The following PAK5 variants were observed in gnomAD, a reference collection of about 807,000 sequenced individuals.
PAK5 encodes the protein serine/threonine-protein kinase PAK 5.
PAK5 carries 16 observed loss-of-function variants against 65.9 expected under a neutral mutation model. That is an observed-to-expected ratio of 0.24 (90% confidence interval 0.16 to 0.37). The LOEUF (loss-of-function observed/expected upper bound fraction) is 0.37, where lower values mean the gene tolerates loss of function less well. Ranked by LOEUF, PAK5 falls within the 10% of genes least tolerant of loss-of-function variation. The pLI is 1.00. For synonymous variants in PAK5, 371 were observed against 354.9 expected (o/e 1.05, Z -0.51); for missense variants, 785 against 903.9 (o/e 0.87, Z 1.69).
At chr20:9,641,857 C>T (rs947156153) in intron 3 of PAK5, among the ~76,000 whole-genome samples, 4 of 152,292 alleles carry the variant, frequency 2.6e-5, no homozygotes, top group East Asian at 3.9e-4. Flanking sequence ...TTGCCCGGGG[C>T]CAGCAGGGCT....
intron 5 of PAK5, 50 bp downstream of exon 5, chr20:9,565,843 G>A (rs1252555068): frequency 1.3e-6 from 2 of 1,539,450 alleles, no homozygotes; most frequent in East Asian, 2.3e-5. Context: ...TTTGAAATGG[G>A]AAATAAATGT....
intron 1 of PAK5, among the ~76,000 whole-genome samples, chr20:9,766,442 ATATG>A (rs1315368741): frequency 0.097 from 3,107 of 32,064 alleles, 746 homozygotes; most frequent in African/African-American, 0.21. Flanking sequence ...AGCAGAATAT[ATATG>A]TATATATATA....
At chr20:9,612,289 G>A (rs895462023) in intron 3 of PAK5, among the ~76,000 whole-genome samples, 1 of 152,184 alleles carries the variant, frequency 6.6e-6, no homozygotes, top group South Asian at 2.1e-4. Context: ...GTCTCCGTCT[G>A]GAGAACATAT....
At chr20:9,676,773 A>G (rs2123388488) in intron 2 of PAK5, among the ~76,000 whole-genome samples, 1 of 152,310 alleles carries the variant, frequency 6.6e-6, no homozygotes, top group South Asian at 2.1e-4. Context: ...ATTGGTGATA[A>G]TTCAATACCC....
chr20:9,554,977 TTCCATCAC>T (rs2045484674), intron 7 of PAK5, among the ~76,000 whole-genome samples: 1 of 152,182 alleles, frequency 6.6e-6, no homozygotes, highest in Admixed American at 6.5e-5. Context: ...TACCCATCAC[TTCCATCAC>T]TCCCCATTCT....
Position 9,716,929 on chromosome 20 carries a change from A to G in PAK5, c.-161-5494T>C, listed in dbSNP as rs1402493217. ...CGAAACCCCGTCTCCACAGAAAAAT[A>G]CAAAAATGAGCTGGGTGTGGTGGTG... On this transcript the variant is annotated intron_variant, in intron 1 of 9. Coordinates refer to ENST00000353224, the MANE Select transcript of PAK5 (RefSeq NM_177990.4). Among the ~76,000 whole-genome samples the G allele has an allele frequency of 2.6e-5, 4 of 152,000 alleles. No individual in the cohort carries two copies. The East Asian group carries it at 7.7e-4, about 29-fold the overall frequency.
intron 1 of PAK5, among the ~76,000 whole-genome samples, chr20:9,778,162 C>T (rs1026017961): frequency 2.6e-5 from 4 of 152,090 alleles, no homozygotes; most frequent in African/African-American, 9.7e-5. Flanking sequence ...CTCCCATGTT[C>T]GTGTGTATAA....
chr20:9,822,886 G>A (rs2053903020), intron 1 of PAK5, among the ~76,000 whole-genome samples: 3 of 152,112 alleles, frequency 2.0e-5, no homozygotes, highest in African/African-American at 4.8e-5. Context: ...CTCCCCTTTG[G>A]GTGGACTGAT....
At chr20:9,799,808 G>T (rs2049146830) in intron 1 of PAK5, among the ~76,000 whole-genome samples, 1 of 151,682 alleles carries the variant, frequency 6.6e-6, no homozygotes, top group African/African-American at 2.4e-5. Context: ...GAGTGTGATG[G>T]TGTGCGCCTA....
intron 7 of PAK5, among the ~76,000 whole-genome samples, chr20:9,555,335 A>G (rs1283143231): frequency 6.6e-6 from 1 of 152,222 alleles, no homozygotes; most frequent in Non-Finnish European, 1.5e-5. Flanking sequence ...TGACAACTCA[A>G]TGATTTAAAA....
chr20:9,724,908 G>A (rs1041753270), intron 1 of PAK5, among the ~76,000 whole-genome samples: 1 of 152,096 alleles, frequency 6.6e-6, no homozygotes, highest in African/African-American at 2.4e-5. Context: ...TAACTGGATT[G>A]TTCGAAACAC....
intron 3 of PAK5, among the ~76,000 whole-genome samples, chr20:9,586,333 C>T (rs2046069410): frequency 6.6e-6 from 1 of 152,098 alleles, no homozygotes; most frequent in Non-Finnish European, 1.5e-5. Flanking sequence ...GTTACAGGTC[C>T]CTTAAATCTC....
In PAK5 at chr20:9,580,848, C is replaced by A. The variant is rs559966028; in HGVS notation, c.287G>T (p.Arg96Leu). The A allele has an allele frequency of 8.1e-6, 13 of 1,613,062 alleles. No homozygotes were observed. The highest frequency in any genetic ancestry group is 1.1e-5 in the Non-Finnish European group (13 of 1,179,676). Reference protein sequence around the residue: ...LEDFDNISVTRSNSLRKESPP... With the variant: ...LEDFDNISVTLSNSLRKESPP... Reference sequence around the variant, plus strand: ...GCTTTCTTTCCTTAGGGAGTTGGAGCGAGTCACCGAGATGTTGTCAAAATC... The same window carrying A: ...GCTTTCTTTCCTTAGGGAGTTGGAGAGAGTCACCGAGATGTTGTCAAAATC... Residue 96 changes from arginine to leucine, a missense_variant, in exon 4 of 10, where the codon CGC (arginine) becomes CTC (leucine). Around this residue, in one of 4 missense-constraint regions of PAK5, gnomAD observed 422 missense variants for 413.3 expected, o/e 1.02. Coordinates refer to ENST00000353224, the MANE Select transcript of PAK5 (RefSeq NM_177990.4).
At chr20:9,725,876 A>T (rs1016839062) in intron 1 of PAK5, among the ~76,000 whole-genome samples, 2 of 152,202 alleles carry the variant, frequency 1.3e-5, no homozygotes, top group Non-Finnish European at 2.9e-5. Context: ...TGCTAAAAAA[A>T]GTATGTGCCA....
chr20:9,672,941 C>G (rs1340285347), intron 2 of PAK5, among the ~76,000 whole-genome samples: 1 of 152,142 alleles, frequency 6.6e-6, no homozygotes, highest in African/African-American at 2.4e-5. Context: ...TGGGAAATGT[C>G]TATTAGATCC....
At chr20:9,804,896 CAACA>C (rs999608316) in intron 1 of PAK5, among the ~76,000 whole-genome samples, 4 of 151,842 alleles carry the variant, frequency 2.6e-5, no homozygotes, top group Admixed American at 6.6e-5. Context: ...TAAAAGAAAA[CAACA>C]AACAAACAAA....
intron 1 of PAK5, among the ~76,000 whole-genome samples, chr20:9,827,139 G>A (rs1978340193): frequency 6.6e-6 from 1 of 152,150 alleles, no homozygotes; most frequent in African/African-American, 2.4e-5. Context: ...CAGTATTAGT[G>A]TGAAACTAGT....
At chr20:9,786,093 A>T (rs967213348) in intron 1 of PAK5, among the ~76,000 whole-genome samples, 2 of 152,116 alleles carry the variant, frequency 1.3e-5, no homozygotes, top group African/African-American at 4.8e-5. Flanking sequence ...TCCGGGAATC[A>T]CAGCCTGATT....
intron 1 of PAK5, among the ~76,000 whole-genome samples, chr20:9,749,475 A>G (rs1443210520): frequency 1.3e-5 from 2 of 152,192 alleles, no homozygotes; most frequent in Admixed American, 6.6e-5. Context: ...GACAAAATAC[A>G]GAAAACTGTT....
Sources: gnomAD v4.1 joint callset for allele counts (sites outside exome capture counted in the v4.1 genomes callset) on GRCh38, gnomAD v4.1.1 for gene constraint, gnomAD v4.1.1 regional missense constraint, MANE v1.5 for transcripts, NCBI Gene and HGNC (gene_info 2026-07-23, HGNC 2026-07-21) for gene names.